The following COL4A5 variants were observed in gnomAD, a reference collection of about 807,000 sequenced individuals.
The protein encoded by COL4A5 is collagen alpha-5(IV) chain.
A neutral mutation model predicts 130.2 loss-of-function variants in COL4A5; 26 were observed. That is an observed-to-expected ratio of 0.20 (90% CI 0.15 to 0.28). COL4A5 has a LOEUF of 0.28. Ranked by LOEUF, COL4A5 falls within the 10% of genes least tolerant of loss-of-function variation. COL4A5 has a pLI of 1.00. For synonymous variants in COL4A5, 496 were observed against 439.6 expected, an observed-to-expected ratio of 1.13 and a Z score of -1.60; for missense variants, 1,131 against 1,344.3, an observed-to-expected ratio of 0.84 and a Z score of 2.48.
intron 44 of COL4A5, 42 bp downstream of exon 44, chrX:108,677,675 G>A: frequency 8.4e-7 from 1 of 1,190,478 alleles, no homozygotes; most frequent in Middle Eastern, 2.4e-4. Flanking sequence ...AAGAATGTGG[G>A]TGTTTGTATT....
intron 19 of COL4A5, among the ~76,000 whole-genome samples, chrX:108,590,384 C>T (rs962101322): frequency 3.6e-5 from 4 of 110,767 alleles, no homozygotes; most frequent in Non-Finnish European, 7.6e-5. Flanking sequence ...GACTTCTTTG[C>T]AGAATTTTGT....
chrX:108,537,981 A>C (rs751608718), intron 1 of COL4A5, among the ~76,000 whole-genome samples: 1 of 111,983 alleles, frequency 8.9e-6, no homozygotes, highest in South Asian at 3.7e-4. Flanking sequence ...AAAATATTAT[A>C]TATTTTTAAT....
intron 2 of COL4A5, among the ~76,000 whole-genome samples, chrX:108,546,860 G>C (rs763249795): frequency 7.2e-5 from 8 of 111,079 alleles, no homozygotes; most frequent in African/African-American, 2.0e-4. Flanking sequence ...TCATTCATTT[G>C]ATCTTCAATC....
intron 1 of COL4A5, among the ~76,000 whole-genome samples, chrX:108,500,917 G>A (rs2065074223): frequency 9.0e-6 from 1 of 110,959 alleles, no homozygotes; most frequent in African/African-American, 3.3e-5. Flanking sequence ...ACAGAGGACC[G>A]AAGAAGAATG....
At chrX:108,607,802 TTC>T (rs2066762258) in intron 29 of COL4A5, among the ~76,000 whole-genome samples, 2 of 111,811 alleles carry the variant, frequency 1.8e-5, no homozygotes, top group South Asian at 7.5e-4. Context: ...TTGTTTTATT[TTC>T]TCTGTTCTTA....
chrX:108,528,348 A>T (rs1452944616), intron 1 of COL4A5, among the ~76,000 whole-genome samples: 1 of 112,579 alleles, frequency 8.9e-6, no homozygotes, highest in African/African-American at 3.2e-5. Flanking sequence ...CACAGCCAAT[A>T]TCTTAGATAC....
chrX:108,534,140 AAGAG>A (rs1214113353), intron 1 of COL4A5, among the ~76,000 whole-genome samples: 6 of 110,112 alleles, frequency 5.4e-5, no homozygotes, highest in Admixed American at 3.9e-4. Context: ...ATTTAAAAGA[AAGAG>A]AGAAAGAGAA....
chrX:108,674,523 G>A (rs2068267655), intron 42 of COL4A5: 1 of 330,679 alleles, frequency 3.0e-6, no homozygotes, highest in South Asian at 1.0e-4. Context: ...TTATCCTTTA[G>A]AATAAGCTCT....
At chrX:108,616,843 A>G (rs571826979) in intron 30 of COL4A5, among the ~76,000 whole-genome samples, 2 of 109,510 alleles carry the variant, frequency 1.8e-5, no homozygotes, top group South Asian at 3.7e-4. Context: ...ATATAAATAT[A>G]ATATATAGAT....
intron 40 of COL4A5, 81 bp downstream of exon 40, chrX:108,667,264 C>T (rs996353126): frequency 3.3e-6 from 3 of 915,018 alleles, no homozygotes; most frequent in Admixed American, 2.3e-5. Flanking sequence ...CCATCTCCAC[C>T]TTTTACTATC....
intron 1 of COL4A5, among the ~76,000 whole-genome samples, chrX:108,450,551 A>G (rs1415974853): frequency 1.8e-5 from 2 of 112,309 alleles, no homozygotes; most frequent in Non-Finnish European, 1.9e-5. Context: ...GAGCTTTTCA[A>G]GTAAGAATGA....
rs928044139 is a variant in COL4A5, at chrX:108,695,361, A to G, written c.4916A>G (p.His1639Arg). The G allele has an allele frequency of 8.3e-7, 1 of 1,210,658 alleles. No individual in the cohort carries two copies. Among genetic ancestry groups the G allele is most frequent in the Non-Finnish European group, 1.1e-6 (1 of 894,797 alleles). The change falls in exon 52 of 53, where the codon CAT (histidine) becomes CGT (arginine). Residue 1639 changes from histidine to arginine, a missense_variant. Coordinates refer to ENST00000328300, the MANE Select transcript of COL4A5 (RefSeq NM_033380.3). ...EFRSAPFIECHGRGTCNYYAN... is the reference protein window; with the variant it reads ...EFRSAPFIECRGRGTCNYYAN... ...CGTTCAGCTCCCTTCATCGAATGTC[A>G]TGGGAGGGGTACCTGTAACTACTAT...
In COL4A5 at chrX:108,523,236, A is replaced by T. The variant is rs766236731; in HGVS notation, c.82-16510A>T. 2.2e-3 allele frequency among the ~76,000 whole-genome samples: 243 copies of T among 111,675 alleles called. 2 individuals are homozygous for T. Among genetic ancestry groups the T allele is most frequent in the Non-Finnish European group, 3.6e-3 (189 of 53,087 alleles). ...TTTTATAGTTTTAGTTCTTGTGTTT[A>T]ATCTTTGATCTGTTTTAAGTTAATT... On this transcript the variant is annotated intron_variant, in intron 1 of 52. Transcript: ENST00000328300.
At chrX:108,633,203 A>T (rs2067298435) in intron 36 of COL4A5, among the ~76,000 whole-genome samples, 1 of 111,021 alleles carries the variant, frequency 9.0e-6, no homozygotes, top group African/African-American at 3.3e-5. Flanking sequence ...TGAGGGGGAG[A>T]GAGAGGAAGA....
intron 1 of COL4A5, among the ~76,000 whole-genome samples, chrX:108,458,776 A>C (rs767017333): frequency 7.2e-5 from 8 of 111,501 alleles, no homozygotes; most frequent in South Asian, 3.8e-4. Context: ...GTCAGGAGAT[A>C]GAGACCATCC....
intron 2 of COL4A5, among the ~76,000 whole-genome samples, chrX:108,558,425 A>G (rs2065857841): frequency 9.0e-6 from 1 of 110,573 alleles, no homozygotes; most frequent in Non-Finnish European, 1.9e-5. Context: ...AAAGGTGCTG[A>G]TAAGATATGA....
At chrX:108,452,164 G>C (rs1162417358) in intron 1 of COL4A5, among the ~76,000 whole-genome samples, 1 of 111,542 alleles carries the variant, frequency 9.0e-6, no homozygotes, top group African/African-American at 3.3e-5. Flanking sequence ...TGAGGGCTCT[G>C]TTGTGTTCCA....
At chrX:108,524,072 G>A (rs2065290055) in intron 1 of COL4A5, among the ~76,000 whole-genome samples, 1 of 111,140 alleles carries the variant, frequency 9.0e-6, no homozygotes, top group Non-Finnish European at 1.9e-5. Flanking sequence ...TTGCATGCCT[G>A]TATCAAAACA....
intron 30 of COL4A5, among the ~76,000 whole-genome samples, chrX:108,615,969 A>G (rs754768234): frequency 4.1e-4 from 46 of 112,045 alleles, no homozygotes; most frequent in African/African-American, 1.4e-3. Context: ...TCAGGTTAAC[A>G]ATATAAAAAG....
Sources: allele counts gnomAD v4.1 joint callset (sites outside exome capture counted in the v4.1 genomes callset), GRCh38; gene constraint gnomAD v4.1.1; transcripts MANE v1.5; gene names NCBI Gene and HGNC (gene_info 2026-07-23, HGNC 2026-07-21).